Variants in NELL1 observed in about 807,000 individuals in gnomAD.
NELL1 encodes neural EGFL like 1.
A neutral mutation model predicts 107.4 loss-of-function variants in NELL1; 76 were observed. The ratio of observed to expected loss-of-function variants is 0.71; its 90% CI spans 0.59 to 0.86. The LOEUF (loss-of-function observed/expected upper bound fraction) is 0.86. NELL1 is among the 40% of genes least tolerant of loss of function. The pLI is 0.00. For missense variants in NELL1, 1,024 were observed against 1,005.5 expected (o/e 1.02, Z -0.25); for synonymous variants, 353 against 341.2 (o/e 1.03, Z -0.38).
chr11:21,113,614 G>A lies in NELL1; in HGVS notation c.1326G>A (p.Met442Ile). 2 of 1,611,834 alleles carry A rather than the reference G, an allele frequency of 1.2e-6. No homozygotes were observed. Among genetic ancestry groups the A allele is most frequent in the South Asian group, 2.2e-5 (2 of 90,974 alleles). ...CEDIDECAAK[M>I]HYCHANTVCV... ...ATATTGATGAGTGTGCAGCTAAGAT[G>A]CATTACTGTCATGCCAATACTGTGT... Residue 442 changes from methionine (M) to isoleucine (I), a missense_variant, in exon 13 of 20, where the codon ATG becomes ATA. By Grantham distance (10) the Met-to-Ile change is conservative. Coordinates refer to ENST00000357134, the MANE Select transcript of NELL1 (RefSeq NM_006157.5).
intron 3 of NELL1, among the ~76,000 whole-genome samples, chr11:20,814,147 C>T (rs545779946): frequency 1.7e-4 from 26 of 150,880 alleles, no homozygotes; most frequent in East Asian, 9.7e-4. Flanking sequence ...AGGCGCACAC[C>T]GCCACGCCCG....
chr11:20,700,754 C>T (rs926004156), intron 2 of NELL1, among the ~76,000 whole-genome samples: 6 of 151,866 alleles, frequency 4.0e-5, no homozygotes, highest in African/African-American at 7.3e-5. Context: ...TAAGAACATG[C>T]GGTGTTTGGT....
At chr11:21,135,154 C>G (rs555312088) in intron 13 of NELL1, among the ~76,000 whole-genome samples, 20 of 152,172 alleles carry the variant, frequency 1.3e-4, no homozygotes, top group Admixed American at 3.3e-4. Context: ...TTACTGCTTT[C>G]TCTTAAACTC....
At chr11:20,961,289 G>A (rs185814705) in intron 12 of NELL1, among the ~76,000 whole-genome samples, 75 of 152,206 alleles carry the variant, frequency 4.9e-4, no homozygotes, top group African/African-American at 1.8e-3. Context: ...GAGTTAGTTC[G>A]ACCTGGTCTG....
chr11:21,476,607 G>T (rs1854339109), intron 15 of NELL1, among the ~76,000 whole-genome samples: 1 of 152,084 alleles, frequency 6.6e-6, no homozygotes, highest in Admixed American at 6.6e-5. Flanking sequence ...AACAAAAGGA[G>T]GAACCTTCAT....
chr11:20,844,075 C>T (rs1848664798), intron 3 of NELL1, among the ~76,000 whole-genome samples: 1 of 152,170 alleles, frequency 6.6e-6, no homozygotes, highest in Non-Finnish European at 1.5e-5. Flanking sequence ...CGTAGTTGTG[C>T]ACAGCTCAGA....
intron 5 of NELL1, among the ~76,000 whole-genome samples, chr11:20,904,404 A>G (rs1849947279): frequency 6.6e-6 from 1 of 152,182 alleles, no homozygotes; most frequent in Non-Finnish European, 1.5e-5. Context: ...CCCAATACAT[A>G]GGTACAATTA....
At chr11:21,077,402 A>G (rs1048870420) in intron 12 of NELL1, among the ~76,000 whole-genome samples, 1 of 152,206 alleles carries the variant, frequency 6.6e-6, no homozygotes, top group African/African-American at 2.4e-5. Context: ...GATGATAGGC[A>G]TCTTGACTGA....
chr11:20,735,776 A>G (rs935963791), intron 2 of NELL1, among the ~76,000 whole-genome samples: 25 of 152,204 alleles, frequency 1.6e-4, no homozygotes, highest in African/African-American at 5.8e-4. Flanking sequence ...AGGTACAGTG[A>G]CAAAGAGCAG....
chr11:20,897,417 A>G (rs1418952609), intron 5 of NELL1, among the ~76,000 whole-genome samples: 1 of 152,218 alleles, frequency 6.6e-6, no homozygotes, highest in Non-Finnish European at 1.5e-5. Context: ...TTAATTCAAG[A>G]TGGATTAAAT....
At chr11:20,726,077 C>T (rs1793017) in intron 2 of NELL1, among the ~76,000 whole-genome samples, 145,143 of 152,256 alleles carry the variant, frequency 0.95, 69,551 homozygotes, top group East Asian at 1. Context: ...GACATGATTT[C>T]GGTCTTTTTT....
chr11:21,254,491 A>C (rs1858720710), intron 14 of NELL1, among the ~76,000 whole-genome samples: 1 of 152,078 alleles, frequency 6.6e-6, no homozygotes, highest in Non-Finnish European at 1.5e-5. Flanking sequence ...TACGAAAAAA[A>C]GACTTCATGG....
chr11:21,057,015 A>G (rs1218761027), intron 12 of NELL1, among the ~76,000 whole-genome samples: 1 of 152,122 alleles, frequency 6.6e-6, no homozygotes, highest in Non-Finnish European at 1.5e-5. Context: ...GAAAAAGGAT[A>G]AGAAAAGGGG....
chr11:21,126,124 G>C (rs975486969), intron 13 of NELL1, among the ~76,000 whole-genome samples: 2 of 152,250 alleles, frequency 1.3e-5, no homozygotes, highest in Non-Finnish European at 2.9e-5. Context: ...TTGGTGGTGA[G>C]GCAGAGATAG....
intron 13 of NELL1, among the ~76,000 whole-genome samples, chr11:21,140,443 A>G (rs936808758): frequency 6.6e-6 from 1 of 152,302 alleles, no homozygotes. Flanking sequence ...TGTTAGATGC[A>G]CTGGAGTTTA....
At chr11:21,066,551 A>G (rs898881653) in intron 12 of NELL1, among the ~76,000 whole-genome samples, 4 of 152,202 alleles carry the variant, frequency 2.6e-5, no homozygotes, top group African/African-American at 9.7e-5. Context: ...TCATCAGCTC[A>G]CTAATCTGTG....
In NELL1 at chr11:20,980,528, G is replaced by A. The variant is rs866689756; in HGVS notation, c.1300+19968G>A. ...TCTTTAGAGACCTGAACCACTGAAA[G>A]GTTTGTGGTGTATCTCAAACTTTTG... On this transcript the variant is annotated intron_variant, in intron 12 of 19. Coordinates refer to ENST00000357134, the MANE Select transcript of NELL1 (RefSeq NM_006157.5). Among the ~76,000 whole-genome samples, 3 of 152,130 alleles carry A rather than the reference G, an allele frequency of 2.0e-5. No individual in the cohort carries two copies. In the South Asian group the frequency reaches 6.2e-4, roughly 31 times the overall value.
At chr11:21,458,609 G>A (rs1049097264) in intron 15 of NELL1, among the ~76,000 whole-genome samples, 1 of 151,888 alleles carries the variant, frequency 6.6e-6, no homozygotes, top group African/African-American at 2.4e-5. Flanking sequence ...GAAAAAATGA[G>A]AAACAAAAAA....
intron 16 of NELL1, among the ~76,000 whole-genome samples, chr11:21,556,821 T>C (rs4319515): frequency 0.37 from 56,176 of 151,754 alleles, 11,929 homozygotes; most frequent in Non-Finnish European, 0.49. Context: ...CACAGAGAGA[T>C]CACAGCCAGC....
Sources: gnomAD v4.1 joint callset for allele counts (sites outside exome capture counted in the v4.1 genomes callset) on GRCh38, gnomAD v4.1.1 for gene constraint, MANE v1.5 for transcripts, NCBI Gene and HGNC (gene_info 2026-07-23, HGNC 2026-07-21) for gene names.